The following FNTA variants were observed in gnomAD, a reference collection of about 807,000 sequenced individuals.
FNTA encodes protein farnesyltransferase/geranylgeranyltransferase type-1 subunit alpha.
FNTA carries 27 observed loss-of-function variants against 55.2 expected under a neutral mutation model. The observed-to-expected ratio is 0.49, with a 90% CI of 0.36 to 0.67. The LOEUF (loss-of-function observed/expected upper bound fraction) is 0.67. Among genes scored for constraint, FNTA ranks in the 30% least tolerant of loss-of-function variants. FNTA has a pLI of 0.00. For missense variants in FNTA, 422 were observed against 464.7 expected (o/e 0.91, Z 0.85); for synonymous variants, 176 against 170.7 (o/e 1.03, Z -0.24).
At position 43,085,379 on chromosome 8, in the gene FNTA, TAAAAGTGC is replaced by T; in HGVS notation, c.*99_*106del. The stretch of plus-strand genomic sequence containing the variant: ...GTGGTCCTTCCCTTTGCCTGTGGTG[TAAAAGTGC>T]ATCACACAGGTATTGCTTTTTAACA... On this transcript the variant is annotated 3_prime_UTR_variant, in exon 9 of 9. Coordinates refer to ENST00000302279, the MANE Select transcript of FNTA (RefSeq NM_002027.3). The T allele has an allele frequency of 8.8e-7, 1 of 1,131,676 alleles. No individual in the cohort carries two copies. The highest frequency in any genetic ancestry group is 1.3e-6 in the Non-Finnish European group (1 of 775,828). The allele number at this position is 1,131,676 out of a possible 1,614,324, so 70.1% of individuals were successfully genotyped here.
At position 43,085,729 on chromosome 8, in the gene FNTA, T is replaced by A. The variant is rs1811117105; in HGVS notation, c.*447T>A. The stretch of plus-strand genomic sequence containing the variant: ...CACTCACATTATCTTGCTATCACTG[T>A]AACCAACTAATGCCAAAAGAACGGT... On this transcript the variant is annotated 3_prime_UTR_variant, in exon 9 of 9. Coordinates refer to ENST00000302279, the MANE Select transcript of FNTA (RefSeq NM_002027.3). The A allele has an allele frequency of 6.3e-6, 1 of 157,898 alleles. No homozygotes were observed. Among genetic ancestry groups the A allele is most frequent in the East Asian group, 1.9e-4 (1 of 5,290 alleles). The allele number at this position is 157,898 out of a possible 1,614,324, so 9.8% of individuals were successfully genotyped here. A position where few individuals can be genotyped will look rare whatever the true frequency, so the allele number is the denominator to read the frequency against.
At chr8:43,083,925 T>G (rs2130575969) in intron 7 of FNTA, among the ~76,000 whole-genome samples, 2 of 152,256 alleles carry the variant, frequency 1.3e-5, no homozygotes, top group East Asian at 3.9e-4. Context: ...ATATACAAAT[T>G]AGCTGAGCAT....
rs1394412553 is a variant in FNTA, at chr8:43,077,348, T to C, written c.766T>C (p.Leu256=). Residue 256 remains leucine (L), a synonymous_variant, in exon 6 of 9, where the codon TTG becomes CTG. Coordinates refer to ENST00000302279, the MANE Select transcript of FNTA (RefSeq NM_002027.3). ...CACTGGCTACAATGATCGTGCTGTA[T>C]TGGAGAGAGAAGTCCAGTTAGTAAT... ...NTTGYNDRAV[L]EREVQYTLEM... 1.2e-6 allele frequency: 2 copies of C among 1,610,848 alleles called. No individual in the cohort carries two copies. The highest frequency in any genetic ancestry group is 8.5e-7 in the Non-Finnish European group (1 of 1,178,428).
intron 6 of FNTA, chr8:43,079,856 GGAA>G (rs1285416864): frequency 1.9e-5 from 3 of 154,688 alleles, no homozygotes; most frequent in African/African-American, 4.8e-5. Flanking sequence ...ACAGGAGTTT[GGAA>G]GAAGTTGATT....
At chr8:43,082,465 C>T (rs4236927) in intron 6 of FNTA, 132,926 of 152,268 alleles carry the variant, frequency 0.87, 58,850 homozygotes, top group Non-Finnish European at 0.96. Context: ...TAGACTGTTT[C>T]CCCAAGGTTG....
intron 3 of FNTA, among the ~76,000 whole-genome samples, chr8:43,068,384 G>T (rs1216874030): frequency 6.6e-6 from 1 of 152,142 alleles, no homozygotes; most frequent in East Asian, 1.9e-4. Flanking sequence ...CAGAACTAAC[G>T]ACGTCTTTAG....
intron 6 of FNTA, chr8:43,078,340 T>G (rs7838899): frequency 0.76 from 115,788 of 151,908 alleles, 45,628 homozygotes; most frequent in Non-Finnish European, 0.87. Flanking sequence ...TGTTTTTTTT[T>G]TTTGTTTGTT....
At chr8:43,059,923 G>T (rs1810492960) in intron 2 of FNTA, among the ~76,000 whole-genome samples, 1 of 152,212 alleles carries the variant, frequency 6.6e-6, no homozygotes, top group Non-Finnish European at 1.5e-5. Context: ...TAGCACAGAA[G>T]TAGATTTGTA....
chr8:43,084,415 T>G (rs1811086318), intron 7 of FNTA, among the ~76,000 whole-genome samples: 2 of 151,948 alleles, frequency 1.3e-5, no homozygotes, highest in Admixed American at 1.3e-4. Context: ...AGAGACGAGA[T>G]CTTGCTATTT....
At chr8:43,075,848 A>G (rs2130564818) in intron 5 of FNTA, among the ~76,000 whole-genome samples, 1 of 151,652 alleles carries the variant, frequency 6.6e-6, no homozygotes, top group Non-Finnish European at 1.5e-5. Context: ...ATCTTTGTCC[A>G]ATTGTGTATA....
At chr8:43,079,951 C>CT in intron 6 of FNTA, 1 of 152,672 alleles carries the variant, frequency 6.5e-6, no homozygotes, top group African/African-American at 2.4e-5. Flanking sequence ...AGCAAGGAAA[C>CT]TAGAATTAGA....
intron 1 of FNTA, chr8:43,057,001 C>T (rs1190775851): frequency 6.6e-6 from 1 of 152,276 alleles, no homozygotes; most frequent in Non-Finnish European, 1.5e-5. Context: ...GTGAGGGCTT[C>T]CAGTGGCTGG....
chr8:43,084,510 A>T, intron 7 of FNTA, 200 bp from the exon 8 acceptor site: 1 of 451,404 alleles, frequency 2.2e-6, no homozygotes, highest in Non-Finnish European at 3.9e-6. Context: ...GAGCCACTGC[A>T]CCTGGCCAGC....
intron 5 of FNTA, chr8:43,073,573 T>G (rs1810844235): frequency 6.6e-6 from 1 of 152,186 alleles, no homozygotes; most frequent in Admixed American, 6.5e-5. Context: ...TGGGGGAAGC[T>G]CAACTGCATA....
At chr8:43,081,881 C>T (rs1027801312) in intron 6 of FNTA, 2 of 151,864 alleles carry the variant, frequency 1.3e-5, no homozygotes, top group African/African-American at 4.8e-5. Context: ...ATGTTTTAAC[C>T]ATAAAAATAG....
intron 4 of FNTA, 59 bp downstream of exon 4, chr8:43,069,718 C>A (rs1810744151): frequency 9.9e-7 from 1 of 1,006,482 alleles, no homozygotes; most frequent in Non-Finnish European, 1.6e-6. Context: ...GACCTCGGCT[C>A]ACTGCAGCCT....
At chr8:43,059,048 C>A in intron 1 of FNTA, 44 bp from the exon 2 acceptor site, 2 of 1,349,876 alleles carry the variant, frequency 1.5e-6, no homozygotes, top group Non-Finnish European at 2.1e-6. Context: ...CCCTTTTCTT[C>A]TGTATTTGAA....
chr8:43,084,429 C>T (rs1811086498), intron 7 of FNTA, among the ~76,000 whole-genome samples: 2 of 151,914 alleles, frequency 1.3e-5, no homozygotes, highest in African/African-American at 4.8e-5. Context: ...GCTATTTTAC[C>T]CAGGCTGGTC....
intron 2 of FNTA, 107 bp from the exon 3 acceptor site, chr8:43,063,994 A>G (rs1810595486): frequency 2.8e-6 from 2 of 725,936 alleles, no homozygotes; most frequent in Non-Finnish European, 4.6e-6. Flanking sequence ...GTTGGTATAA[A>G]TGATACACAG....
Sources: gnomAD v4.1 joint callset for allele counts (sites outside exome capture counted in the v4.1 genomes callset) on GRCh38, gnomAD v4.1.1 for gene constraint, MANE v1.5 for transcripts, NCBI Gene and HGNC (gene_info 2026-07-23, HGNC 2026-07-21) for gene names.